Variants in KLHL2 observed in about 807,000 individuals in gnomAD.
KLHL2 encodes the protein kelch-like protein 2.
KLHL2 carries 15 observed loss-of-function variants against 75.8 expected under a neutral mutation model. The ratio of observed to expected loss-of-function variants is 0.20; its 90% confidence interval spans 0.13 to 0.30. The LOEUF is 0.30. KLHL2 is among the 10% of genes least tolerant of loss of function. KLHL2 has a pLI of 1.00. For missense variants in KLHL2, 381 were observed against 741.0 expected, an observed-to-expected ratio of 0.51 and a Z score of 5.64; for synonymous variants, 214 against 251.9, an observed-to-expected ratio of 0.85 and a Z score of 1.42.
intron 4 of KLHL2, among the ~76,000 whole-genome samples, chr4:165,255,400 T>C (rs1741082088): frequency 1.3e-5 from 2 of 150,484 alleles, no homozygotes; most frequent in South Asian, 2.1e-4. Flanking sequence ...GAGGGGGAGG[T>C]TGTTTTTGTT....
intron 9 of KLHL2, among the ~76,000 whole-genome samples, chr4:165,307,684 T>C (rs1025322529): frequency 1.3e-5 from 2 of 152,206 alleles, no homozygotes; most frequent in African/African-American, 4.8e-5. Context: ...CTGATATTTT[T>C]CCATGGTTAA....
intron 11 of KLHL2, among the ~76,000 whole-genome samples, chr4:165,312,413 G>A (rs1746272951): frequency 1.6e-5 from 2 of 121,968 alleles, no homozygotes; most frequent in South Asian, 4.5e-4. Flanking sequence ...AAGGCTCTAA[G>A]TATTATTATT....
At position 165,311,416 on chromosome 4, in the gene KLHL2, T is replaced by C. The variant is rs142272351; in HGVS notation, c.1238-48T>C. 1,744 of 1,338,118 alleles carry C rather than the reference T, an allele frequency of 1.3e-3. 13 individuals are homozygous for C. The African/African-American group carries it at 0.019, about 15-fold the overall frequency. The allele number at this position is 1,338,118 out of a possible 1,614,324, so 82.9% of individuals were successfully genotyped here. On this transcript the variant is annotated intron_variant, in intron 10 of 14. Coordinates refer to ENST00000226725, the MANE Select transcript of KLHL2 (RefSeq NM_007246.4). The stretch of plus-strand genomic sequence containing the variant: ...AGTATTTTTCCATATATATGAACTA[T>C]TGACATTTTTTAGAGAAGGAAATGA...
chr4:165,264,719 TAC>T (rs770616220), intron 5 of KLHL2, among the ~76,000 whole-genome samples: 11,494 of 76,928 alleles, frequency 0.15, 970 homozygotes, highest in African/African-American at 0.25. Flanking sequence ...TATATATATA[TAC>T]ATATATATAT....
chr4:165,283,861 G>A (rs1239635328), intron 5 of KLHL2, among the ~76,000 whole-genome samples: 2 of 152,158 alleles, frequency 1.3e-5, no homozygotes, highest in African/African-American at 4.8e-5. Flanking sequence ...ATCTGAAATC[G>A]AGGTGGAGGT....
intron 4 of KLHL2, among the ~76,000 whole-genome samples, chr4:165,252,306 C>T (rs1281915455): frequency 1.3e-5 from 2 of 151,504 alleles, no homozygotes; most frequent in African/African-American, 4.9e-5. Flanking sequence ...GGCTAGTTGC[C>T]AGTGTTCAGG....
intron 9 of KLHL2, among the ~76,000 whole-genome samples, 184 bp downstream of exon 9, chr4:165,305,909 T>C (rs1444484550): frequency 1.3e-5 from 2 of 152,222 alleles, no homozygotes; most frequent in African/African-American, 2.4e-5. Flanking sequence ...AGCTACTCTG[T>C]CTCCACCTTT....
At chr4:165,278,150 C>T (rs762756138) in intron 5 of KLHL2, 15 of 1,489,780 alleles carry the variant, frequency 1.0e-5, no homozygotes, top group South Asian at 5.6e-5. Flanking sequence ...TGTAGAATAA[C>T]GAATTTCACT....
Position 165,286,976 on chromosome 4 carries a change from A to G in KLHL2, c.545-7383A>G, listed in dbSNP as rs528562050. Among the ~76,000 whole-genome samples the G allele has an allele frequency of 7.9e-5, 12 of 152,318 alleles. No homozygotes were observed. In the South Asian group the frequency reaches 2.5e-3, roughly 32 times the overall value. On this transcript the variant is annotated intron_variant, in intron 5 of 14. Transcript: ENST00000226725. ...TCATCACCAGTGTTTTCAAATGGTT[A>G]TAAACTTTTAAAAATATTTGTGTTA...
At chr4:165,315,243 G>T (rs556899120) in intron 13 of KLHL2, among the ~76,000 whole-genome samples, 1 of 152,220 alleles carries the variant, frequency 6.6e-6, no homozygotes, top group East Asian at 1.9e-4. Context: ...TTTCTTAAAG[G>T]TTAGACTAAT....
intron 6 of KLHL2, among the ~76,000 whole-genome samples, chr4:165,296,039 A>G (rs772968987): frequency 5.9e-5 from 9 of 152,224 alleles, no homozygotes; most frequent in Non-Finnish European, 8.8e-5. Context: ...TAACCATTTT[A>G]TGCTAACAAT....
chr4:165,312,510 C>G (rs1208806035), intron 11 of KLHL2, among the ~76,000 whole-genome samples: 1 of 151,954 alleles, frequency 6.6e-6, no homozygotes, highest in African/African-American at 2.4e-5. Flanking sequence ...TAGAAAAAAA[C>G]AGCTTTATTG....
chr4:165,212,912 G>A (rs1737294967), intron 1 of KLHL2, among the ~76,000 whole-genome samples: 1 of 152,136 alleles, frequency 6.6e-6, no homozygotes, highest in South Asian at 2.1e-4. Flanking sequence ...TTAAGTCGGG[G>A]CTCTAGGTCT....
Position 165,214,936 on chromosome 4 carries a change from GAGAT to G in KLHL2, c.27-4994_27-4991del, listed in dbSNP as rs531813454. Among the ~76,000 whole-genome samples, 526 of 151,850 alleles carry G rather than the reference GAGAT, an allele frequency of 3.5e-3. 4 individuals are homozygous for G. Among genetic ancestry groups the G allele is most frequent in the Non-Finnish European group, 4.3e-3 (291 of 67,954 alleles). ...AGAAGTAAGTAATACAAAGAAAAAAGAGATAGAAGTTTTTATCTCACAAGATACC... is the reference window on the plus strand; with the variant it reads ...AGAAGTAAGTAATACAAAGAAAAAAGAGAAGTTTTTATCTCACAAGATACC... On this transcript the variant is annotated intron_variant, in intron 1 of 14. Coordinates refer to ENST00000226725, the MANE Select transcript of KLHL2 (RefSeq NM_007246.4).
intron 5 of KLHL2, among the ~76,000 whole-genome samples, chr4:165,266,178 T>C (rs1742226886): frequency 6.6e-6 from 1 of 152,242 alleles, no homozygotes; most frequent in African/African-American, 2.4e-5. Flanking sequence ...TTTGTTTTTT[T>C]CTTGTAAATT....
At chr4:165,259,405 GCCCTGAACCTATATT>G (rs1381405276) in intron 4 of KLHL2, among the ~76,000 whole-genome samples, 3 of 152,192 alleles carry the variant, frequency 2.0e-5, no homozygotes, top group African/African-American at 7.2e-5. Context: ...CACCAAGCCT[GCCCTGAACCTATATT>G]CTTAACTATT....
intron 4 of KLHL2, among the ~76,000 whole-genome samples, chr4:165,245,622 A>G (rs894794172): frequency 6.6e-6 from 1 of 152,180 alleles, no homozygotes; most frequent in African/African-American, 2.4e-5. Context: ...TGGGGGGCAC[A>G]TCACATTTAG....
intron 2 of KLHL2, among the ~76,000 whole-genome samples, chr4:165,226,357 C>G (rs1024412743): frequency 6.6e-6 from 1 of 152,146 alleles, no homozygotes; most frequent in Non-Finnish European, 1.5e-5. Flanking sequence ...ATCATGTTCT[C>G]TTTGGGATTC....
intron 5 of KLHL2, chr4:165,278,924 C>T (rs1268831069): frequency 2.8e-6 from 4 of 1,414,080 alleles, no homozygotes; most frequent in Non-Finnish European, 4.0e-6. Flanking sequence ...TTTCATTAGG[C>T]CATAGATCTC....
Sources: allele counts gnomAD v4.1 joint callset (sites outside exome capture counted in the v4.1 genomes callset), GRCh38; gene constraint gnomAD v4.1.1; transcripts MANE v1.5; gene names NCBI Gene and HGNC (gene_info 2026-07-23, HGNC 2026-07-21).